Variants in TTC7B observed in about 807,000 individuals in gnomAD.
The protein encoded by TTC7B is tetratricopeptide repeat protein 7B.
Under a neutral mutation model 106.8 loss-of-function variants are expected in TTC7B, and 28 were observed. That is an observed-to-expected ratio of 0.26 (90% CI 0.19 to 0.36). TTC7B has a LOEUF of 0.36. Ranked by LOEUF, TTC7B falls within the 10% of genes least tolerant of loss-of-function variation. The probability of loss-of-function intolerance (pLI) is 1.00; values close to 1 mark genes in which losing one functional copy is unlikely to be tolerated. For missense variants in TTC7B, 862 were observed against 1,076.4 expected, an observed-to-expected ratio of 0.80 and a Z score of 2.79; for synonymous variants, 405 against 430.6, an observed-to-expected ratio of 0.94 and a Z score of 0.74.
rs1177727774 is a variant in TTC7B, at chr14:90,541,730, A to G, written c.2311-141T>C. 8 of 589,612 alleles carry G rather than the reference A, an allele frequency of 1.4e-5. No individual in the cohort carries two copies. In the African/African-American group the frequency reaches 1.5e-4, roughly 11 times the overall value. The allele number at this position is 589,612 out of a possible 1,614,324, so 36.5% of individuals were successfully genotyped here. On this transcript the variant is annotated intron_variant, in intron 19 of 19. Transcript: ENST00000328459. ...GGGCTGGGCCCATAGTAAGTTCTCC[A>G]GTATTTCCTGTGTTCAGGGGCAACA... is the stretch of plus-strand genomic sequence containing the variant.
intron 13 of TTC7B, among the ~76,000 whole-genome samples, chr14:90,649,912 C>T (rs1259620771): frequency 6.6e-6 from 1 of 152,052 alleles, no homozygotes; most frequent in Non-Finnish European, 1.5e-5. Flanking sequence ...AGCTCCCACC[C>T]CCGCCCCAGA....
chr14:90,631,517 T>C (rs1884703114), intron 15 of TTC7B, among the ~76,000 whole-genome samples: 1 of 151,970 alleles, frequency 6.6e-6, no homozygotes, highest in African/African-American at 2.4e-5. Context: ...CAAGCGATTC[T>C]TCTGCCTTAG....
At chr14:90,810,612 TG>T (rs2030846825) in intron 1 of TTC7B, among the ~76,000 whole-genome samples, 1 of 152,230 alleles carries the variant, frequency 6.6e-6, no homozygotes, top group Non-Finnish European at 1.5e-5. Flanking sequence ...TAAGGAAAAG[TG>T]TAACTGCTCC....
At position 90,757,338 on chromosome 14, in the gene TTC7B, G is replaced by C. The variant is rs1489996217; in HGVS notation, c.446-12416C>G. On this transcript the variant is annotated intron_variant, in intron 3 of 19. Transcript: ENST00000328459. The surrounding 1 kb of genome is among the most constrained non-coding windows in gnomAD (Gnocchi z 4.1). Reference sequence around the variant, plus strand: ...TCACATCTGTATTCCCAGCACTTTGGGAGGACAAGGTAGGAGTATCATTTG... The same window carrying C: ...TCACATCTGTATTCCCAGCACTTTGCGAGGACAAGGTAGGAGTATCATTTG... Among the ~76,000 whole-genome samples, 5 of 152,126 alleles carry C rather than the reference G, an allele frequency of 3.3e-5. No individual in the cohort carries two copies. The highest frequency in any genetic ancestry group is 1.2e-4 in the African/African-American group (5 of 41,414).
intron 2 of TTC7B, among the ~76,000 whole-genome samples, chr14:90,784,103 T>A (rs1356042400): frequency 6.6e-6 from 1 of 152,038 alleles, no homozygotes; most frequent in Non-Finnish European, 1.5e-5. Context: ...CCCTCACACC[T>A]CCCAGCAGGA....
chr14:90,708,543 G>T (rs1035198143), intron 5 of TTC7B, among the ~76,000 whole-genome samples: 1 of 152,160 alleles, frequency 6.6e-6, no homozygotes, highest in African/African-American at 2.4e-5. Context: ...TTTACAGCAT[G>T]GTTCACTGAA....
chr14:90,615,523 G>A (rs549506473), intron 16 of TTC7B, among the ~76,000 whole-genome samples: 20 of 152,296 alleles, frequency 1.3e-4, no homozygotes, highest in Admixed American at 6.5e-4. Context: ...ATTCTTAGGC[G>A]CTTGTTCATG....
chr14:90,602,800 T>G (rs1892482252), intron 17 of TTC7B, among the ~76,000 whole-genome samples: 1 of 152,110 alleles, frequency 6.6e-6, no homozygotes. Context: ...CTGCTTATTT[T>G]TAGAAAAATT....
chr14:90,774,716 C>A (rs1005640411), intron 3 of TTC7B, among the ~76,000 whole-genome samples: 1 of 152,222 alleles, frequency 6.6e-6, no homozygotes, highest in Non-Finnish European at 1.5e-5. Flanking sequence ...CACTCCAGGC[C>A]TCTGATCTTC....
chr14:90,752,227 A>C (rs1358991399), intron 3 of TTC7B, among the ~76,000 whole-genome samples: 1 of 152,144 alleles, frequency 6.6e-6, no homozygotes, highest in East Asian at 1.9e-4. Flanking sequence ...CTTTCACATC[A>C]AGATTAAGGG....
chr14:90,682,861 C>G (rs916722027), intron 7 of TTC7B, among the ~76,000 whole-genome samples: 1 of 152,202 alleles, frequency 6.6e-6, no homozygotes, highest in Non-Finnish European at 1.5e-5. Flanking sequence ...GCCATGCCAC[C>G]AACTCACTGG....
chr14:90,660,121 A>C (rs1314708736), intron 9 of TTC7B, among the ~76,000 whole-genome samples: 1 of 152,052 alleles, frequency 6.6e-6, no homozygotes, highest in African/African-American at 2.4e-5. Flanking sequence ...GCAGTGGCTC[A>C]CACCTGTAAT....
chr14:90,693,316 G>T (rs1887547939), intron 6 of TTC7B, among the ~76,000 whole-genome samples: 1 of 151,740 alleles, frequency 6.6e-6, no homozygotes, highest in African/African-American at 2.4e-5. Flanking sequence ...GAAAGTGAAA[G>T]GATTAAAAAA....
At chr14:90,602,328 T>C (rs1360134692) in intron 17 of TTC7B, 3 of 417,106 alleles carry the variant, frequency 7.2e-6, no homozygotes, top group Non-Finnish European at 1.5e-5. Context: ...CGTCCAAATA[T>C]ATTTGACCAA....
rs535607091 is a variant in TTC7B at position 90,696,045 on chromosome 14, T to C, written c.699-467A>G. On this transcript the variant is annotated intron_variant, in intron 5 of 19. Transcript: ENST00000328459. ...CAGGAACTCCACCAAGCAACCACTC[T>C]GCATCTTTGAGAACATAAACTTATC... Among the ~76,000 whole-genome samples the C allele has an allele frequency of 3.9e-5, 6 of 152,232 alleles. No homozygotes were observed. The East Asian group carries it at 7.8e-4, about 20-fold the overall frequency.
chr14:90,637,614 C>T (rs1344507056), intron 15 of TTC7B, among the ~76,000 whole-genome samples: 2 of 152,116 alleles, frequency 1.3e-5, no homozygotes, highest in Admixed American at 6.6e-5. Context: ...ACGCGAAGTT[C>T]TCTAAAAAAT....
intron 6 of TTC7B, among the ~76,000 whole-genome samples, chr14:90,695,098 TTTTA>T (rs1371636227): frequency 1.5e-5 from 2 of 134,884 alleles, no homozygotes; most frequent in African/African-American, 2.7e-5. Context: ...ATAAAATATA[TTTTA>T]TTTTATTATA....
At chr14:90,783,638 C>T (rs11851245) in intron 2 of TTC7B, among the ~76,000 whole-genome samples, 41,387 of 152,118 alleles carry the variant, frequency 0.27, 9,302 homozygotes, top group African/African-American at 0.62. Context: ...AGCATTTTAA[C>T]TTGAATTAAA....
chr14:90,553,866 G>T (rs999166052), intron 19 of TTC7B, among the ~76,000 whole-genome samples: 4 of 152,190 alleles, frequency 2.6e-5, no homozygotes, highest in African/African-American at 7.2e-5. Context: ...TTTGACTTTT[G>T]TCTTCTTTTT....
Sources: allele counts gnomAD v4.1 joint callset (sites outside exome capture counted in the v4.1 genomes callset), GRCh38; gene constraint gnomAD v4.1.1; non-coding constraint Gnocchi (gnomAD v3.1); transcripts MANE v1.5; gene names NCBI Gene and HGNC (gene_info 2026-07-23, HGNC 2026-07-21).